Variants in CFTR observed in about 807,000 individuals in gnomAD.
CFTR encodes CF transmembrane conductance regulator.
In CFTR, 181 loss-of-function variants were observed where a neutral mutation model predicts 171.6. The ratio of observed to expected loss-of-function variants is 1.05; its 90% confidence interval spans 0.93 to 1.19. The LOEUF (loss-of-function observed/expected upper bound fraction) is 1.19. Among genes scored for constraint, CFTR ranks in the 50% most tolerant of loss-of-function variants. CFTR has a pLI of 0.00. For missense variants in CFTR, 1,968 were observed against 1,734.7 expected (o/e 1.13, Z -2.39); for synonymous variants, 583 against 608.0 (o/e 0.96, Z 0.60).
chr7:117,504,368 G>C lies in CFTR; in HGVS notation c.164+5G>C, dbSNP rs2116635341. On this transcript the variant is annotated splice_donor_5th_base_variant and intron_variant, in intron 2 of 26. Coordinates refer to ENST00000003084, the MANE Select transcript of CFTR (RefSeq NM_000492.4). Reference sequence around the variant, plus strand: ...TCTATCTGAAAAATTGGAAAGGTATGTTCATGTACATTGTTTAGTTGAAGA... The same window carrying C: ...TCTATCTGAAAAATTGGAAAGGTATCTTCATGTACATTGTTTAGTTGAAGA... The C allele has an allele frequency of 7.4e-7, 1 of 1,359,988 alleles. No homozygotes were observed. The highest frequency in any genetic ancestry group is 1.1e-6 in the Non-Finnish European group (1 of 948,262). 84.2% of individuals were successfully genotyped at this position (1,359,988 alleles called of 1,614,324 possible).
At chr7:117,593,582 G>GT (rs563924037) in intron 14 of CFTR, among the ~76,000 whole-genome samples, 24 of 152,070 alleles carry the variant, frequency 1.6e-4, no homozygotes, top group Non-Finnish European at 2.4e-4. Flanking sequence ...TCTATATAGT[G>GT]TTTTTTTGTG....
intron 3 of CFTR, among the ~76,000 whole-genome samples, chr7:117,511,399 C>G (rs1798515939): frequency 6.6e-6 from 1 of 152,172 alleles, no homozygotes; most frequent in Non-Finnish European, 1.5e-5. Flanking sequence ...TTAAAAATAT[C>G]CCAGCAAAAG....
chr7:117,641,945 A>G (rs1469503616), intron 22 of CFTR, among the ~76,000 whole-genome samples: 1 of 152,180 alleles, frequency 6.6e-6, no homozygotes, highest in Non-Finnish European at 1.5e-5. Context: ...TGAACATATC[A>G]TTGTTTATTG....
At chr7:117,512,393 C>T (rs998896732) in intron 3 of CFTR, among the ~76,000 whole-genome samples, 5 of 151,868 alleles carry the variant, frequency 3.3e-5, no homozygotes, top group South Asian at 2.1e-4. Context: ...TTTGGGAGGC[C>T]GAGGTGGGCA....
At chr7:117,646,760 G>A (rs183353068) in intron 23 of CFTR, among the ~76,000 whole-genome samples, 29 of 152,238 alleles carry the variant, frequency 1.9e-4, no homozygotes, top group African/African-American at 7.0e-4. Flanking sequence ...TAGGGGTGGA[G>A]TGCTGAACTT....
At chr7:117,579,407 T>A (rs149801848) in intron 11 of CFTR, among the ~76,000 whole-genome samples, 1 of 152,070 alleles carries the variant, frequency 6.6e-6, no homozygotes, top group Non-Finnish European at 1.5e-5. Flanking sequence ...TAAGAGTGCA[T>A]GCTTTGTAGA....
chr7:117,655,343 A>G (rs1428633900), intron 24 of CFTR, among the ~76,000 whole-genome samples: 1 of 152,216 alleles, frequency 6.6e-6, no homozygotes, highest in Non-Finnish European at 1.5e-5. Flanking sequence ...ACAAAACACT[A>G]GGACACAAAC....
intron 15 of CFTR, among the ~76,000 whole-genome samples, chr7:117,599,370 A>G (rs1417319635): frequency 6.6e-6 from 1 of 152,160 alleles, no homozygotes; most frequent in Non-Finnish European, 1.5e-5. Flanking sequence ...TTAAAATGGT[A>G]TATACTTAAT....
In CFTR at chr7:117,603,695, C is replaced by G; in HGVS notation, c.2821C>G (p.Leu941Val). Residue 941 changes from leucine (L) to valine (V), a missense_variant, in exon 17 of 27, where the codon CTA becomes GTA. Physicochemically the swap from Leu to Val is conservative, Grantham distance 32. Transcript: ENST00000003084. ...FFRGLPLVHT[L>V]ITVSKILHHK... ...CAGAGGTCTACCACTGGTGCATACT[C>G]TAATCACAGTGTCGAAAATTTTACA... is the stretch of plus-strand genomic sequence containing the variant. The G allele has an allele frequency of 6.2e-7, 1 of 1,614,100 alleles. No homozygotes were observed. The highest frequency in any genetic ancestry group is 8.5e-7 in the Non-Finnish European group (1 of 1,179,960).
Position 117,513,244 on chromosome 7 carries a change from G to A in CFTR, c.273+4102G>A, listed in dbSNP as rs145716408. Among the ~76,000 whole-genome samples the A allele has an allele frequency of 2.6e-5, 4 of 152,128 alleles. No individual in the cohort carries two copies. In the East Asian group the frequency reaches 7.7e-4, roughly 29 times the overall value. ...CCATCTTGAGGTTACAGAAAGAATG[G>A]GGGTTTGGATCTTTGTAAAACAGGT... On this transcript the variant is annotated intron_variant, in intron 3 of 26. Transcript: ENST00000003084.
chr7:117,550,378 G>GT (rs919109242), intron 10 of CFTR, among the ~76,000 whole-genome samples: 7 of 151,628 alleles, frequency 4.6e-5, no homozygotes, highest in Admixed American at 2.0e-4. Context: ...CAATTTGGTT[G>GT]TTTCTCTCTC....
chr7:117,631,840 TACAGATGC>T (rs1330797276), intron 22 of CFTR, among the ~76,000 whole-genome samples: 1 of 152,176 alleles, frequency 6.6e-6, no homozygotes, highest in Non-Finnish European at 1.5e-5. Context: ...ACGTGCAATT[TACAGATGC>T]ACAGTCAGAA....
chr7:117,518,137 T>G (rs1266160542), intron 3 of CFTR, among the ~76,000 whole-genome samples: 4 of 151,878 alleles, frequency 2.6e-5, no homozygotes, highest in Non-Finnish European at 5.9e-5. Flanking sequence ...TGGAACTCTA[T>G]ATGTAGTTGG....
rs397508747 is a variant in CFTR, at chr7:117,534,316, T to C, written c.530T>C (p.Ile177Thr). ...AGCCGTGTTCTAGATAAAATAAGTA[T>C]TGGACAACTTGTTAGTCTCCTTTCC... The part of the protein sequence containing the change: ...LSSRVLDKIS[I>T]GQLVSLLSNN... Residue 177 changes from isoleucine to threonine, a missense_variant, in exon 5 of 27, where the codon ATT becomes ACT. By Grantham distance (89) the Ile-to-Thr change is moderately conservative (BLOSUM62 -1). Coordinates refer to ENST00000003084, the MANE Select transcript of CFTR (RefSeq NM_000492.4). The C allele has an allele frequency of 8.1e-6, 13 of 1,605,532 alleles. No homozygotes were observed. The highest frequency in any genetic ancestry group is 1.0e-5 in the Non-Finnish European group (12 of 1,172,600).
At chr7:117,552,056 A>G (rs1227484537) in intron 10 of CFTR, among the ~76,000 whole-genome samples, 3 of 152,180 alleles carry the variant, frequency 2.0e-5, no homozygotes, top group Non-Finnish European at 2.9e-5. Flanking sequence ...AGTTAAAAAC[A>G]TCATTGAATA....
intron 21 of CFTR, among the ~76,000 whole-genome samples, chr7:117,620,933 C>G (rs193093249): frequency 2.1e-4 from 32 of 152,154 alleles, no homozygotes; most frequent in African/African-American, 5.8e-4. Flanking sequence ...ATGGCAAAAC[C>G]CTGTATCTAC....
chr7:117,635,804 G>A (rs1792817564), intron 22 of CFTR, among the ~76,000 whole-genome samples: 1 of 151,096 alleles, frequency 6.6e-6, no homozygotes, highest in Non-Finnish European at 1.5e-5. Flanking sequence ...TACATATATG[G>A]GTATACCTAA....
At chr7:117,505,118 A>G (rs1798393636) in intron 2 of CFTR, among the ~76,000 whole-genome samples, 1 of 152,148 alleles carries the variant, frequency 6.6e-6, no homozygotes, top group African/African-American at 2.4e-5. Flanking sequence ...CCTCTCAGCC[A>G]CTCTGAGTGG....
chr7:117,548,544 A>G (rs1799204515), intron 9 of CFTR, 97 bp from the exon 10 acceptor site: 1 of 1,546,722 alleles, frequency 6.5e-7, no homozygotes, highest in Non-Finnish European at 8.7e-7. Flanking sequence ...TGCTTTTCAA[A>G]CTAATTGTAC....
Sources: allele counts gnomAD v4.1 joint callset (sites outside exome capture counted in the v4.1 genomes callset), GRCh38; gene constraint gnomAD v4.1.1; transcripts MANE v1.5; gene names NCBI Gene and HGNC (gene_info 2026-07-23, HGNC 2026-07-21).